Variants in SLC5A12 observed in about 807,000 individuals in gnomAD.
SLC5A12 encodes solute carrier family 5 member 12.
Under a neutral mutation model 72.7 loss-of-function variants are expected in SLC5A12, and 46 were observed. The ratio of observed to expected loss-of-function variants is 0.63; its 90% CI spans 0.50 to 0.81. The LOEUF is 0.81. Among genes scored for constraint, SLC5A12 ranks in the 30% least tolerant of loss-of-function variants. SLC5A12 has a pLI of 0.00. For missense variants in SLC5A12, 683 were observed against 740.7 expected (o/e 0.92, Z 0.90); for synonymous variants, 275 against 264.4 (o/e 1.04, Z -0.39).
intron 4 of SLC5A12, among the ~76,000 whole-genome samples, chr11:26,707,500 T>C (rs1000794521): frequency 1.3e-5 from 2 of 152,070 alleles, no homozygotes; most frequent in South Asian, 4.1e-4. Context: ...ATTTCACTTT[T>C]TTCATCTTCT....
intron 9 of SLC5A12, among the ~76,000 whole-genome samples, chr11:26,691,120 C>T (rs1303183187): frequency 6.6e-6 from 1 of 151,792 alleles, no homozygotes; most frequent in Non-Finnish European, 1.5e-5. Context: ...AATGTCCCAT[C>T]AACAAATATA....
At chr11:26,672,998 A>G (rs1854178760) in intron 14 of SLC5A12, among the ~76,000 whole-genome samples, 1 of 152,194 alleles carries the variant, frequency 6.6e-6, no homozygotes, top group Non-Finnish European at 1.5e-5. Context: ...TAAATAATTT[A>G]CCCAAAGAAT....
In SLC5A12 at chr11:26,709,351, C is replaced by T. The variant is rs1221599768; in HGVS notation, c.486G>A (p.Val162=). The T allele has an allele frequency of 8.1e-6, 13 of 1,611,328 alleles. No homozygotes were observed. The highest frequency in any genetic ancestry group is 1.1e-5 in the Non-Finnish European group (13 of 1,178,632). The change falls in exon 4 of 15, where the codon GTG becomes GTA. Residue 162 remains valine (V), a synonymous_variant. Transcript: ENST00000396005. ...QVTGFDLWGS[V]FATGIVCTFY... ...ATGTGCAAACAATTCCTGTTGCAAACACAGAGCCCCAGAGATCAAACCCAG... is the reference window on the plus strand; with the variant it reads ...ATGTGCAAACAATTCCTGTTGCAAATACAGAGCCCCAGAGATCAAACCCAG...
intron 3 of SLC5A12, 79 bp downstream of exon 3, chr11:26,711,228 T>C (rs894814896): frequency 3.4e-6 from 4 of 1,176,880 alleles, no homozygotes; most frequent in African/African-American, 3.0e-5. Context: ...CCCAACAAAG[T>C]ATTTTATTTC....
At chr11:26,702,971 T>C (rs1353980538) in intron 6 of SLC5A12, among the ~76,000 whole-genome samples, 1 of 152,186 alleles carries the variant, frequency 6.6e-6, no homozygotes, top group Non-Finnish European at 1.5e-5. Flanking sequence ...TGTACAGCTG[T>C]AACCAATCAA....
intron 1 of SLC5A12, among the ~76,000 whole-genome samples, chr11:26,715,359 A>G (rs914205073): frequency 5.3e-5 from 8 of 152,076 alleles, no homozygotes; most frequent in African/African-American, 1.9e-4. Context: ...GGGTGTTATC[A>G]TTGGCACTCA....
At chr11:26,708,509 A>G (rs1364166895) in intron 4 of SLC5A12, among the ~76,000 whole-genome samples, 1 of 152,140 alleles carries the variant, frequency 6.6e-6, no homozygotes, top group Admixed American at 6.6e-5. Context: ...TGATATGCAC[A>G]TAACACCAAA....
intron 13 of SLC5A12, among the ~76,000 whole-genome samples, chr11:26,674,264 T>C (rs1854213482): frequency 6.6e-6 from 1 of 151,962 alleles, no homozygotes; most frequent in African/African-American, 2.4e-5. Context: ...CAGTGTAGTG[T>C]AAAGATCCCT....
intron 11 of SLC5A12, among the ~76,000 whole-genome samples, chr11:26,682,648 G>T (rs1384450832): frequency 2.0e-5 from 3 of 152,124 alleles, no homozygotes; most frequent in African/African-American, 7.2e-5. Context: ...ATGACAAGGT[G>T]ATTTCATTAA....
intron 8 of SLC5A12, among the ~76,000 whole-genome samples, chr11:26,696,181 A>G (rs1196317357): frequency 6.6e-6 from 1 of 152,154 alleles, no homozygotes. Flanking sequence ...GCCATCTTCC[A>G]TGTCTATTAG....
intron 4 of SLC5A12, among the ~76,000 whole-genome samples, chr11:26,704,194 G>A (rs1487918583): frequency 1.3e-5 from 2 of 152,162 alleles, no homozygotes; most frequent in Non-Finnish European, 2.9e-5. Context: ...CAACAAGATA[G>A]TGATTTACTT....
chr11:26,671,649 G>A (rs7102068), intron 14 of SLC5A12, among the ~76,000 whole-genome samples: 43,176 of 151,872 alleles, frequency 0.28, 6,326 homozygotes, highest in East Asian at 0.46. Context: ...GGACACCTAT[G>A]CACAAACTCC....
intron 6 of SLC5A12, 81 bp downstream of exon 6, chr11:26,703,442 ACACACCCC>A: frequency 8.7e-6 from 12 of 1,381,444 alleles, no homozygotes; most frequent in South Asian, 1.3e-5. Flanking sequence ...ACACACACAC[ACACACCCC>A]CCAAGAGGAA....
intron 4 of SLC5A12, among the ~76,000 whole-genome samples, chr11:26,705,620 G>T (rs118074885): frequency 0.01 from 1,588 of 152,114 alleles, 14 homozygotes; most frequent in Non-Finnish European, 0.016. Flanking sequence ...GTTCACACAT[G>T]GTTTGAGGTA....
chr11:26,674,386 T>TA (rs947575617), intron 13 of SLC5A12, among the ~76,000 whole-genome samples: 2,891 of 150,004 alleles, frequency 0.019, 98 homozygotes, highest in African/African-American at 0.067. Context: ...ACAAAAAAAA[T>TA]AAAAAAATGT....
chr11:26,718,878 ACT>A (rs1160743348), intron 1 of SLC5A12, among the ~76,000 whole-genome samples: 16 of 152,234 alleles, frequency 1.1e-4, no homozygotes, highest in African/African-American at 3.9e-4. Flanking sequence ...TACTTTACAC[ACT>A]CTGGATTACT....
chr11:26,686,577 C>A, intron 9 of SLC5A12, 33 bp from the exon 10 acceptor site: 3 of 1,600,476 alleles, frequency 1.9e-6, no homozygotes, highest in Middle Eastern at 1.7e-4. Flanking sequence ...TCATAATTTC[C>A]TGAGGGATTC....
intron 7 of SLC5A12, among the ~76,000 whole-genome samples, chr11:26,697,892 CTT>C (rs34284911): frequency 1.1e-5 from 1 of 93,988 alleles, no homozygotes; most frequent in Non-Finnish European, 1.9e-5. Context: ...GAGATGCCGT[CTT>C]TTTTTTTTTT....
In SLC5A12 at chr11:26,671,345, AT is replaced by A. The variant is rs1447076140; in HGVS notation, c.1708-95del. 3 of 1,042,322 alleles carry A rather than the reference AT, an allele frequency of 2.9e-6. No individual in the cohort carries two copies. The African/African-American group carries it at 4.9e-5, about 17-fold the overall frequency. 64.6% of individuals were successfully genotyped at this position (1,042,322 alleles called of 1,614,324 possible). ...CTTGTTTAGGCCTTGGCTTCAAAAA[AT>A]TATATATATGTACAAAAGAAGCATA... On this transcript the variant is annotated intron_variant, in intron 14 of 14. Coordinates refer to ENST00000396005, the MANE Select transcript of SLC5A12 (RefSeq NM_178498.4).
Sources: allele counts gnomAD v4.1 joint callset (sites outside exome capture counted in the v4.1 genomes callset), GRCh38; gene constraint gnomAD v4.1.1; transcripts MANE v1.5; gene names NCBI Gene and HGNC (gene_info 2026-07-23, HGNC 2026-07-21).